The following TTLL2 variants were observed in gnomAD, a reference collection of about 807,000 sequenced individuals.
The protein encoded by TTLL2 is tubulin tyrosine ligase like 2.
A neutral mutation model predicts 7.5 loss-of-function variants in TTLL2; 10 were observed. The observed-to-expected ratio is 1.33, with a 90% CI of 0.82 to 2.25. The LOEUF (loss-of-function observed/expected upper bound fraction) is 2.25, where lower values mean the gene tolerates loss of function less well. Among genes scored for constraint, TTLL2 ranks in the 30% most tolerant of loss-of-function variants. The probability of loss-of-function intolerance (pLI) is 0.00; values close to 1 mark genes in which losing one functional copy is unlikely to be tolerated. For missense variants in TTLL2, 733 were observed against 735.7 expected, an observed-to-expected ratio of 1.00 and a Z score of 0.04; for synonymous variants, 284 against 280.3, an observed-to-expected ratio of 1.01 and a Z score of -0.13.
At chr6:167,335,775 A>C (rs952346941) in intron 1 of TTLL2, among the ~76,000 whole-genome samples, 3 of 143,818 alleles carry the variant, frequency 2.1e-5, no homozygotes, top group African/African-American at 7.8e-5. Flanking sequence ...GAACATTGAG[A>C]TCACATGGAC....
chr6:167,327,889 G>A (rs1006412774), intron 1 of TTLL2: 23 of 408,184 alleles, frequency 5.6e-5, no homozygotes, highest in Middle Eastern at 7.0e-4. Flanking sequence ...ATTCATTGGC[G>A]GATGTTTTCT....
chr6:167,338,259 A>C (rs566812048), intron 1 of TTLL2, among the ~76,000 whole-genome samples: 1 of 152,086 alleles, frequency 6.6e-6, no homozygotes, highest in African/African-American at 2.4e-5. Flanking sequence ...AACTCATACA[A>C]CATACACAAC....
chr6:167,331,181 G>C (rs1562370237), intron 1 of TTLL2, among the ~76,000 whole-genome samples: 1 of 152,098 alleles, frequency 6.6e-6, no homozygotes, highest in Non-Finnish European at 1.5e-5. Flanking sequence ...GTTTTGTTAT[G>C]TATAATGTAT....
Position 167,341,155 on chromosome 6 carries a change from G to C in TTLL2, c.1255G>C (p.Gly419Arg). 6.2e-7 allele frequency: 1 copy of C among 1,613,856 alleles called. No individual in the cohort carries two copies. Among genetic ancestry groups the C allele is most frequent in the South Asian group, 1.1e-5 (1 of 91,054 alleles). The change falls in exon 3 of 3, where the codon GGT becomes CGT. Residue 419 changes from glycine to arginine, a missense_variant. Coordinates refer to ENST00000239587, the MANE Select transcript of TTLL2 (RefSeq NM_031949.5). ...HDIIDLIYLN[G>R]LRNEGREASN... ...TATTATTGACCTGATTTACTTAAAT[G>C]GTCTAAGAAATGAGGGGAGAGAAGC...
chr6:167,335,658 C>A (rs1349597656), intron 1 of TTLL2, among the ~76,000 whole-genome samples: 2 of 151,630 alleles, frequency 1.3e-5, no homozygotes, highest in African/African-American at 4.9e-5. Context: ...ATGATGAGTT[C>A]ATGTCCTTTG....
Position 167,340,939 on chromosome 6 carries a change from C to T in TTLL2, c.1039C>T (p.Arg347Cys), listed in dbSNP as rs139552031. The T allele has an allele frequency of 1.2e-4, 189 of 1,614,030 alleles. 1 individual carries two copies. The African/African-American group carries it at 2.2e-3, about 18-fold the overall frequency. Residue 347 changes from arginine (R) to cysteine (C), a missense_variant, in exon 3 of 3, where the codon CGC (arginine) becomes TGC (cysteine). Physicochemically the swap from Arg to Cys is radical, Grantham distance 180. Transcript: ENST00000239587. ...TCTGCTTTTGTGGAAGAAAATCCAC[C>T]GCATGGTTATTCTCACCATTCTCGC... The part of the protein sequence containing the change: ...DDLLLWKKIH[R>C]MVILTILAIA...
Position 167,341,556 on chromosome 6 carries a change from A to T in TTLL2, c.1656A>T (p.Gln552His). 6.2e-7 allele frequency: 1 copy of T among 1,614,204 alleles called. No individual in the cohort carries two copies. Among genetic ancestry groups the T allele is most frequent in the African/African-American group, 1.3e-5 (1 of 75,040 alleles). The part of the protein sequence containing the change: ...LSDRGKAPDP[Q>H]AGNFVLVFPF... ...ACCGTGGCAAAGCTCCAGATCCCCA[A>T]GCAGGCAACTTTGTTCTTGTTTTTC... Residue 552 changes from glutamine (Q) to histidine (H), a missense_variant, in exon 3 of 3, where the codon CAA (glutamine) becomes CAT (histidine). Coordinates refer to ENST00000239587, the MANE Select transcript of TTLL2 (RefSeq NM_031949.5).
In TTLL2 at chr6:167,340,634, AT is replaced by A. The variant is rs772629833; in HGVS notation, c.735del (p.Pro246LeufsTer23). The A allele has an allele frequency of 1.2e-6, 2 of 1,614,198 alleles. No individual in the cohort carries two copies. The highest frequency in any genetic ancestry group is 2.2e-5 in the South Asian group (2 of 91,078). ...DMYIVQKYIS[N>X]PLLIGRYKCD... The stretch of plus-strand genomic sequence containing the variant: ...TACATAGTGCAGAAATATATCTCCA[AT>A]CCTTTACTTATTGGCAGATATAAAT... On this transcript the variant is annotated frameshift_variant, in exon 3 of 3. Coordinates refer to ENST00000239587, the MANE Select transcript of TTLL2 (RefSeq NM_031949.5). LOFTEE classifies it low-confidence loss of function (END_TRUNC).
chr6:167,337,986 AT>A (rs1779012574), intron 1 of TTLL2, among the ~76,000 whole-genome samples: 1 of 152,002 alleles, frequency 6.6e-6, no homozygotes, highest in Admixed American at 6.6e-5. Flanking sequence ...CACAATACAC[AT>A]TCACATATAC....
At chr6:167,330,729 C>T (rs1778909509) in intron 1 of TTLL2, among the ~76,000 whole-genome samples, 1 of 152,116 alleles carries the variant, frequency 6.6e-6, no homozygotes, top group African/African-American at 2.4e-5. Context: ...TCCAGGAACA[C>T]AGATTAAAAG....
At chr6:167,325,918 G>A (rs1017283423) in intron 1 of TTLL2, among the ~76,000 whole-genome samples, 4 of 152,156 alleles carry the variant, frequency 2.6e-5, no homozygotes, top group Non-Finnish European at 2.9e-5. Context: ...TGTCACATGC[G>A]AGCGGGAAGC....
At chr6:167,336,186 T>C (rs1467371088) in intron 1 of TTLL2, among the ~76,000 whole-genome samples, 2 of 151,904 alleles carry the variant, frequency 1.3e-5, no homozygotes, top group African/African-American at 4.8e-5. Flanking sequence ...CTGAGGATCA[T>C]GGGGGTTCTG....
In TTLL2 at chr6:167,325,944, G is replaced by T. The variant is rs952782876; in HGVS notation, c.47+724G>T. ...AGCGGGAAGCGGGCTGTGACAGGCCGAACAGCGGCCGAGAACGGGTGCAAG... is the reference window on the plus strand; with the variant it reads ...AGCGGGAAGCGGGCTGTGACAGGCCTAACAGCGGCCGAGAACGGGTGCAAG... On this transcript the variant is annotated intron_variant, in intron 1 of 2. Transcript: ENST00000239587. Among the ~76,000 whole-genome samples the T allele has an allele frequency of 1.6e-4, 25 of 152,162 alleles. 1 individual carries two copies. Among genetic ancestry groups the T allele is most frequent in the African/African-American group, 5.8e-4 (24 of 41,418 alleles).
At chr6:167,332,615 C>A (rs1033577612) in intron 1 of TTLL2, among the ~76,000 whole-genome samples, 1 of 139,846 alleles carries the variant, frequency 7.2e-6, no homozygotes, top group Non-Finnish European at 1.5e-5. Context: ...CTTTTATTTC[C>A]TTGAGCAGTG....
At chr6:167,338,530 T>A in intron 1 of TTLL2, 117 bp from the exon 2 acceptor site, 1 of 1,387,590 alleles carries the variant, frequency 7.2e-7, no homozygotes, top group Non-Finnish European at 9.6e-7. Context: ...TACTGCAAAC[T>A]AGGACAACTG....
At chr6:167,329,257 A>G (rs1394884602) in intron 1 of TTLL2, among the ~76,000 whole-genome samples, 1 of 152,176 alleles carries the variant, frequency 6.6e-6, no homozygotes, top group Non-Finnish European at 1.5e-5. Flanking sequence ...GGTAGTTTAC[A>G]TATTAGTAGC....
At chr6:167,327,684 AG>A (rs1778863507) in intron 1 of TTLL2, among the ~76,000 whole-genome samples, 1 of 152,208 alleles carries the variant, frequency 6.6e-6, no homozygotes, top group Non-Finnish European at 1.5e-5. Flanking sequence ...TAAAAAGTGA[AG>A]GAAACCATAT....
Position 167,341,865 on chromosome 6 carries a change from T to C in TTLL2, c.*186T>C, listed in dbSNP as rs934827934. 12 of 635,608 alleles carry C rather than the reference T, an allele frequency of 1.9e-5. No individual in the cohort carries two copies. The highest frequency in any genetic ancestry group is 2.9e-5 in the Non-Finnish European group (11 of 382,788). 39.4% of individuals were successfully genotyped at this position (635,608 alleles called of 1,614,324 possible). A position where few individuals can be genotyped will look rare whatever the true frequency, so the allele number is the denominator to read the frequency against. ...GACAAAGCACAATATGTTCAAGTGG[T>C]GATTAAACTACATTACATCCCATGT... On this transcript the variant is annotated 3_prime_UTR_variant, in exon 3 of 3. Transcript: ENST00000239587.
chr6:167,341,045 C>T lies in TTLL2; in HGVS notation c.1145C>T (p.Pro382Leu), dbSNP rs1779083826. The change falls in exon 3 of 3, where the codon CCA becomes CTA. Residue 382 changes from proline (P) to leucine (L), a missense_variant. Transcript: ENST00000239587. ...ATTTTGATTGATGACAACTTGAAAC[C>T]ATGGCTTTTAGAGGTCAACTACAGC... ...FDILIDDNLK[P>L]WLLEVNYSPA... 3 of 1,613,898 alleles carry T rather than the reference C, an allele frequency of 1.9e-6. No individual in the cohort carries two copies.
Sources: gnomAD v4.1 joint callset for allele counts (sites outside exome capture counted in the v4.1 genomes callset) on GRCh38, gnomAD v4.1.1 for gene constraint, MANE v1.5 for transcripts, NCBI Gene and HGNC (gene_info 2026-07-23, HGNC 2026-07-21) for gene names.